The following TIMP2 variants were observed in gnomAD, a reference collection of about 807,000 sequenced individuals.
The protein encoded by TIMP2 is metalloproteinase inhibitor 2.
TIMP2 carries 5 observed loss-of-function variants against 24.3 expected under a neutral mutation model. The observed-to-expected ratio is 0.21, with a 90% CI of 0.11 to 0.43. The LOEUF is 0.43. TIMP2 is among the 20% of genes least tolerant of loss of function. TIMP2 has a pLI of 1.00. For synonymous variants in TIMP2, 130 were observed against 123.2 expected (o/e 1.06, Z -0.37); for missense variants, 221 against 297.5 (o/e 0.74, Z 1.89).
intron 3 of TIMP2, among the ~76,000 whole-genome samples, chr17:78,867,276 C>T (rs1176542027): frequency 1.3e-5 from 2 of 152,020 alleles, no homozygotes; most frequent in Non-Finnish European, 2.9e-5. Context: ...AAGAAAAGTG[C>T]TCATAATAAA....
intron 1 of TIMP2, among the ~76,000 whole-genome samples, chr17:78,903,469 G>T (rs528842256): frequency 6.9e-4 from 105 of 152,312 alleles, no homozygotes; most frequent in African/African-American, 2.5e-3. Flanking sequence ...GCTGCATGGA[G>T]ACCTCCCAGG....
chr17:78,870,214 G>C (rs1056020656), intron 3 of TIMP2, among the ~76,000 whole-genome samples: 14 of 152,222 alleles, frequency 9.2e-5, no homozygotes, highest in Non-Finnish European at 1.5e-4. Context: ...TCAGGAGTTC[G>C]AGACCAGCCT....
chr17:78,874,777 G>A (rs1196630829), intron 1 of TIMP2, among the ~76,000 whole-genome samples: 1 of 149,352 alleles, frequency 6.7e-6, no homozygotes, highest in South Asian at 2.1e-4. Context: ...GTCTCACTCT[G>A]TCGTCCAGGC....
intron 3 of TIMP2, among the ~76,000 whole-genome samples, chr17:78,859,837 C>T (rs1337355395): frequency 6.6e-6 from 1 of 151,310 alleles, no homozygotes; most frequent in Non-Finnish European, 1.5e-5. Context: ...ACTACACATA[C>T]AAAAATTAGC....
In TIMP2 at chr17:78,855,947, C is replaced by T. The variant is rs2069522173; in HGVS notation, c.466-83G>A. On this transcript the variant is annotated intron_variant, in intron 4 of 4. Coordinates refer to ENST00000262768, the MANE Select transcript of TIMP2 (RefSeq NM_003255.5). This position sits in a 1 kb window ranked among gnomAD's most constrained non-coding sequence, Gnocchi z 6.0. ...GGCTGCTCTGGGGGCATGTCCAGAA[C>T]CCGGCAATGTGCCTACCTGTCATGT... 1.4e-6 allele frequency: 2 copies of T among 1,399,904 alleles called. No individual in the cohort carries two copies. The highest frequency in any genetic ancestry group is 2.0e-6 in the Non-Finnish European group (2 of 995,128). 86.7% of individuals were successfully genotyped at this position (1,399,904 alleles called of 1,614,324 possible).
chr17:78,891,559 A>G lies in TIMP2; in HGVS notation c.131-17640T>C. Reference sequence around the variant, plus strand: ...ACACGGCTTCCCTTCTGCAGCTGGAATCAGCTGGCCACAGCTGCCCGAGGT... The same window carrying G: ...ACACGGCTTCCCTTCTGCAGCTGGAGTCAGCTGGCCACAGCTGCCCGAGGT... On this transcript the variant is annotated intron_variant, in intron 1 of 4. Coordinates refer to ENST00000262768, the MANE Select transcript of TIMP2 (RefSeq NM_003255.5). The surrounding 1 kb of genome is among the most constrained non-coding windows in gnomAD (Gnocchi z 4.5). The G allele has an allele frequency of 6.4e-7, 1 of 1,550,882 alleles. No individual in the cohort carries two copies. The highest frequency in any genetic ancestry group is 2.0e-5 in the Admixed American group (1 of 50,998).
chr17:78,871,276 AC>A (rs1160098643), intron 2 of TIMP2, among the ~76,000 whole-genome samples: 3 of 151,588 alleles, frequency 2.0e-5, no homozygotes, highest in African/African-American at 7.3e-5. Context: ...ACGTAGCAAA[AC>A]CCTGTTTCTA....
rs1452122178 is a variant in TIMP2, at chr17:78,891,690, C to T, written c.131-17771G>A. On this transcript the variant is annotated intron_variant, in intron 1 of 4. Transcript: ENST00000262768. This position sits in a 1 kb window ranked among gnomAD's most constrained non-coding sequence, Gnocchi z 4.5. ...TGCCTCCTCCCCGCCCGAGCTGTTC[C>T]TTTCTCTTTTTCCTCCACAAGCCCG... 2 of 1,551,098 alleles carry T rather than the reference C, an allele frequency of 1.3e-6. No individual in the cohort carries two copies. The highest frequency in any genetic ancestry group is 4.9e-5 in the East Asian group (2 of 40,908).
rs941607948 is a variant in TIMP2 at position 78,920,560 on chromosome 17, A to C, written c.130+4399T>G. 1.3e-5 allele frequency among the ~76,000 whole-genome samples: 2 copies of C among 152,076 alleles called. No homozygotes were observed. The highest frequency in any genetic ancestry group is 4.8e-5 in the African/African-American group (2 of 41,402). On this transcript the variant is annotated intron_variant, in intron 1 of 4. Transcript: ENST00000262768. The surrounding 1 kb of genome is among the most constrained non-coding windows in gnomAD (Gnocchi z 4.5). ...CAGGGGTCAGTGACTCCCCTGACAG[A>C]TCCTGTCCCTCCAAGGACGCTGTTC... is the stretch of plus-strand genomic sequence containing the variant.
At chr17:78,909,634 T>C (rs966086413) in intron 1 of TIMP2, among the ~76,000 whole-genome samples, 3 of 152,114 alleles carry the variant, frequency 2.0e-5, no homozygotes, top group African/African-American at 7.2e-5. Context: ...TTCCCAGTGT[T>C]AGAGAGACCC....
In TIMP2 at chr17:78,864,020, GCCTT is replaced by G. The variant is rs558882895; in HGVS notation, c.341-6378_341-6375del. Among the ~76,000 whole-genome samples, 693 of 152,294 alleles carry G rather than the reference GCCTT, an allele frequency of 4.6e-3. 3 individuals carry two copies. Among genetic ancestry groups the G allele is most frequent in the African/African-American group, 0.015 (642 of 41,556 alleles). On this transcript the variant is annotated intron_variant, in intron 3 of 4. Transcript: ENST00000262768. ...TCGAACTCGAGCAGGTGTTTTCAGAGCCTTCACTCGGGCATCTCATTGTATTTCT... is the reference window on the plus strand; with the variant it reads ...TCGAACTCGAGCAGGTGTTTTCAGAGCACTCGGGCATCTCATTGTATTTCT...
At chr17:78,877,779 C>T (rs944542846) in intron 1 of TIMP2, among the ~76,000 whole-genome samples, 1 of 151,496 alleles carries the variant, frequency 6.6e-6, no homozygotes, top group Non-Finnish European at 1.5e-5. Flanking sequence ...TCTTGGCCCA[C>T]TGCAACCTCC....
At position 78,896,876 on chromosome 17, in the gene TIMP2, C is replaced by T. The variant is rs138913769; in HGVS notation, c.131-22957G>A. On this transcript the variant is annotated intron_variant, in intron 1 of 4. Transcript: ENST00000262768. This position sits in a 1 kb window ranked among gnomAD's most constrained non-coding sequence, Gnocchi z 4.4. ...AGCCCATGGCAGCTCCACCCCAGACCGATCCGATCCCAGCACCTGGGCCCA... is the reference window on the plus strand; with the variant it reads ...AGCCCATGGCAGCTCCACCCCAGACTGATCCGATCCCAGCACCTGGGCCCA... The T allele has an allele frequency of 9.9e-3, 9,676 of 975,988 alleles. 58 individuals are homozygous for T. The highest frequency in any genetic ancestry group is 0.011 in the Non-Finnish European group (9,064 of 821,420). The allele number at this position is 975,988 out of a possible 1,614,324, so 60.5% of individuals were successfully genotyped here. A position where few individuals can be genotyped will look rare whatever the true frequency, so the allele number is the denominator to read the frequency against.
At chr17:78,870,765 C>T (rs1599149125) in intron 3 of TIMP2, 133 bp downstream of exon 3, 9 of 645,566 alleles carry the variant, frequency 1.4e-5, no homozygotes, top group South Asian at 6.3e-5. Context: ...GAGAGGGCTC[C>T]GTACCCTGCC....
chr17:78,906,644 G>A (rs1422969636), intron 1 of TIMP2, among the ~76,000 whole-genome samples: 1 of 151,898 alleles, frequency 6.6e-6, no homozygotes, highest in Non-Finnish European at 1.5e-5. Context: ...GTACAGTGGT[G>A]CGATCTCGGC....
At chr17:78,913,139 G>A (rs1041229253) in intron 1 of TIMP2, among the ~76,000 whole-genome samples, 11 of 152,258 alleles carry the variant, frequency 7.2e-5, no homozygotes, top group East Asian at 3.9e-4. Context: ...TTTGCCAACC[G>A]CTGGAAAAAG....
At chr17:78,885,772 G>C (rs1449563740) in intron 1 of TIMP2, among the ~76,000 whole-genome samples, 1 of 152,182 alleles carries the variant, frequency 6.6e-6, no homozygotes, top group Admixed American at 6.5e-5. Context: ...CTAGCTGCTG[G>C]CAAATGGCAG....
rs140599940 is a variant in TIMP2 at position 78,891,995 on chromosome 17, T to C, written c.131-18076A>G. The C allele has an allele frequency of 1.7e-5, 27 of 1,550,582 alleles. No individual in the cohort carries two copies. The highest frequency in any genetic ancestry group is 4.8e-5 in the South Asian group (4 of 84,060). On this transcript the variant is annotated intron_variant, in intron 1 of 4. Transcript: ENST00000262768. The surrounding 1 kb of genome is among the most constrained non-coding windows in gnomAD (Gnocchi z 4.5). Reference sequence around the variant, plus strand: ...CCTCTCTTCACTAAGGGCTGCTCTATGCTTCTCCTTGGCCCTCGGGGGCCT... The same window carrying C: ...CCTCTCTTCACTAAGGGCTGCTCTACGCTTCTCCTTGGCCCTCGGGGGCCT...
At chr17:78,903,545 C>T (rs968101892) in intron 1 of TIMP2, among the ~76,000 whole-genome samples, 5 of 152,134 alleles carry the variant, frequency 3.3e-5, no homozygotes, top group South Asian at 4.1e-4. Flanking sequence ...TTCCTGACAA[C>T]GCCTGCCATC....
Sources: gnomAD v4.1 joint callset for allele counts (sites outside exome capture counted in the v4.1 genomes callset) on GRCh38, gnomAD v4.1.1 for gene constraint, Gnocchi (gnomAD v3.1) non-coding constraint, MANE v1.5 for transcripts, NCBI Gene and HGNC (gene_info 2026-07-23, HGNC 2026-07-21) for gene names.